Variants in OTULINL observed in about 807,000 individuals in gnomAD.
OTULINL encodes inactive ubiquitin thioesterase OTULINL.
OTULINL carries 42 observed loss-of-function variants against 43.9 expected under a neutral mutation model. That is an observed-to-expected ratio of 0.96 (90% CI 0.75 to 1.24). The LOEUF (loss-of-function observed/expected upper bound fraction) is 1.24, where lower values mean the gene tolerates loss of function less well. OTULINL is among the 50% of genes most tolerant of loss of function. OTULINL has a pLI of 0.00. For missense variants in OTULINL, 411 were observed against 426.4 expected (o/e 0.96, Z 0.32); for synonymous variants, 172 against 153.6 (o/e 1.12, Z -0.88).
Position 14,602,346 on chromosome 5 carries a change from CT to C in OTULINL, c.498+15del, listed in dbSNP as rs1381966596. On this transcript the variant is annotated intron_variant, in intron 5 of 7. Coordinates refer to ENST00000274217, the MANE Select transcript of OTULINL (RefSeq NM_019018.3). ...GACATTGTTAAGGTATGTCTTCCCC[CT>C]GGAAATGTGGGAAATGTCATGTTGA... 13 of 1,608,368 alleles carry C rather than the reference CT, an allele frequency of 8.1e-6. No homozygotes were observed. The highest frequency in any genetic ancestry group is 1.1e-5 in the Non-Finnish European group (13 of 1,177,846).
intron 1 of OTULINL, among the ~76,000 whole-genome samples, chr5:14,588,543 C>T (rs146847115): frequency 3.3e-4 from 51 of 152,262 alleles, no homozygotes; most frequent in Non-Finnish European, 5.9e-4. Flanking sequence ...AAGGGACCAC[C>T]AGGATAGAGG....
At chr5:14,585,704 C>CA (rs1759092196) in intron 1 of OTULINL, among the ~76,000 whole-genome samples, 1 of 152,234 alleles carries the variant, frequency 6.6e-6, no homozygotes, top group East Asian at 1.9e-4. Context: ...ATAATCTTTA[C>CA]AATCACCACT....
Position 14,601,144 on chromosome 5 carries a change from T to C in OTULINL, c.224+20T>C, listed in dbSNP as rs1299282125. 6.2e-7 allele frequency: 1 copy of C among 1,611,092 alleles called. No homozygotes were observed. The highest frequency in any genetic ancestry group is 8.5e-7 in the Non-Finnish European group (1 of 1,178,872). On this transcript the variant is annotated intron_variant, in intron 2 of 7. Coordinates refer to ENST00000274217, the MANE Select transcript of OTULINL (RefSeq NM_019018.3). ...GAAATGGTAGGTCACTGTATCATCC[T>C]TAAATTTCAAATGTATCTTTACTAT...
intron 1 of OTULINL, among the ~76,000 whole-genome samples, chr5:14,597,177 T>C (rs1365443233): frequency 6.6e-6 from 1 of 152,178 alleles, no homozygotes; most frequent in Non-Finnish European, 1.5e-5. Flanking sequence ...AATTCGTGTT[T>C]ATTGGGTACT....
chr5:14,601,319 A>T (rs774768984), intron 3 of OTULINL, 32 bp from the exon 4 acceptor site: 1 of 1,611,930 alleles, frequency 6.2e-7, no homozygotes, highest in Non-Finnish European at 8.5e-7. Context: ...GAAAGGGAGA[A>T]TTAACAGCTT....
intron 1 of OTULINL, among the ~76,000 whole-genome samples, chr5:14,588,616 T>C (rs935327096): frequency 6.6e-6 from 1 of 152,186 alleles, no homozygotes; most frequent in Non-Finnish European, 1.5e-5. Flanking sequence ...ATACATTTAT[T>C]TCTCTCACAT....
rs1759404269 is a variant in OTULINL at position 14,602,399 on chromosome 5, C to T, written c.498+67C>T. On this transcript the variant is annotated intron_variant, in intron 5 of 7. Transcript: ENST00000274217. ...AATAACTGCAACTCAGACTCCTAGT[C>T]TTTGGGGGCTTTGTACTCAGATGAC... 3 of 1,435,724 alleles carry T rather than the reference C, an allele frequency of 2.1e-6. No individual in the cohort carries two copies. In the African/African-American group the frequency reaches 4.3e-5, roughly 20 times the overall value. 88.9% of individuals were successfully genotyped at this position (1,435,724 alleles called of 1,614,324 possible).
chr5:14,601,580 C>T, intron 4 of OTULINL, 138 bp downstream of exon 4: 2 of 790,302 alleles, frequency 2.5e-6, no homozygotes, highest in South Asian at 3.7e-5. Flanking sequence ...GTGGCTCTAA[C>T]TCAAAAGCCA....
At position 14,610,240 on chromosome 5, in the gene OTULINL, G is replaced by A; in HGVS notation, c.997G>A (p.Glu333Lys). The A allele has an allele frequency of 4.3e-6, 7 of 1,613,900 alleles. No homozygotes were observed. Among genetic ancestry groups the A allele is most frequent in the Non-Finnish European group, 5.9e-6 (7 of 1,179,944 alleles). The change falls in exon 8 of 8, where the codon GAG becomes AAG. Residue 333 changes from glutamate to lysine, a missense_variant. Transcript: ENST00000274217. ...SRDFEVCYPE[E>K]PLRDWPEISL... ...AGACTTTGAAGTCTGCTACCCAGAGGAGCCTCTCAGGGACTGGCCGGAGAT... is the reference window on the plus strand; with the variant it reads ...AGACTTTGAAGTCTGCTACCCAGAGAAGCCTCTCAGGGACTGGCCGGAGAT...
At chr5:14,597,518 A>G (rs778722051) in intron 1 of OTULINL, among the ~76,000 whole-genome samples, 20 of 152,212 alleles carry the variant, frequency 1.3e-4, no homozygotes, top group Non-Finnish European at 2.4e-4. Flanking sequence ...AAATGAATTA[A>G]TTCCTGTAGA....
At chr5:14,585,429 T>C (rs1227609326) in intron 1 of OTULINL, among the ~76,000 whole-genome samples, 1 of 152,210 alleles carries the variant, frequency 6.6e-6, no homozygotes, top group Non-Finnish European at 1.5e-5. Flanking sequence ...AAATAGAATG[T>C]AACTTTTTTG....
intron 1 of OTULINL, among the ~76,000 whole-genome samples, chr5:14,597,359 C>T (rs1331973618): frequency 6.6e-6 from 1 of 152,146 alleles, no homozygotes; most frequent in Non-Finnish European, 1.5e-5. Context: ...TATGTGCTGT[C>T]TTCATTCCTA....
chr5:14,604,156 A>T (rs969370072), intron 5 of OTULINL, among the ~76,000 whole-genome samples: 1 of 152,088 alleles, frequency 6.6e-6, no homozygotes, highest in East Asian at 1.9e-4. Context: ...ACAGAGCAAG[A>T]CTCCATCTTG....
rs777223750 is a variant in OTULINL, at chr5:14,608,757, T to C, written c.637T>C (p.Phe213Leu). Residue 213 changes from phenylalanine to leucine, a missense_variant, in exon 7 of 8, where the codon TTT (phenylalanine) becomes CTT (leucine). Phe to Leu is a conservative substitution (Grantham distance 22, BLOSUM62 0). Transcript: ENST00000274217. Reference sequence around the variant, plus strand: ...TTACATCTGTTTTTAGTGGACTGAATTTAATGGCATTAGAGATTATCACAA... The same window carrying C: ...TTACATCTGTTTTTAGTGGACTGAACTTAATGGCATTAGAGATTATCACAA... The part of the protein sequence containing the change: ...VELLKTQWTE[F>L]NGIRDYHKRG... 8.7e-6 allele frequency: 14 copies of C among 1,602,006 alleles called. No homozygotes were observed. The highest frequency in any genetic ancestry group is 9.4e-6 in the Non-Finnish European group (11 of 1,170,954).
At chr5:14,608,698 T>C (rs762284829) in intron 6 of OTULINL, 50 bp from the exon 7 acceptor site, 1 of 1,422,060 alleles carries the variant, frequency 7.0e-7, no homozygotes, top group East Asian at 2.3e-5. Flanking sequence ...TGGAATGGTA[T>C]ATGTCTTCAC....
chr5:14,608,087 G>T (rs922602562), intron 6 of OTULINL, among the ~76,000 whole-genome samples: 2 of 152,186 alleles, frequency 1.3e-5, no homozygotes, highest in African/African-American at 4.8e-5. Context: ...CTATTCTGTG[G>T]AATATCCTTT....
At chr5:14,603,740 T>G (rs2435064) in intron 5 of OTULINL, among the ~76,000 whole-genome samples, 30,337 of 152,014 alleles carry the variant, frequency 0.2, 5,294 homozygotes, top group African/African-American at 0.48. Context: ...ATGATTTACA[T>G]ATATTTTCTC....
intron 1 of OTULINL, among the ~76,000 whole-genome samples, chr5:14,591,485 G>A (rs1759200937): frequency 6.6e-6 from 1 of 152,118 alleles, no homozygotes; most frequent in South Asian, 2.1e-4. Context: ...TCTGTGGGGT[G>A]AAAGGGGCTG....
chr5:14,607,272 A>C, intron 5 of OTULINL, 58 bp from the exon 6 acceptor site: 1 of 1,585,720 alleles, frequency 6.3e-7, no homozygotes, highest in Non-Finnish European at 8.6e-7. Flanking sequence ...TATACAGCAA[A>C]TTGTGTGTAA....
Sources: gnomAD v4.1 joint callset for allele counts (sites outside exome capture counted in the v4.1 genomes callset) on GRCh38, gnomAD v4.1.1 for gene constraint, MANE v1.5 for transcripts, NCBI Gene and HGNC (gene_info 2026-07-23, HGNC 2026-07-21) for gene names.